DOCK4: variants seen among roughly 807,000 people sequenced by gnomAD.
The protein encoded by DOCK4 is dedicator of cytokinesis protein 4.
A neutral mutation model predicts 268.1 loss-of-function variants in DOCK4; 97 were observed. The observed-to-expected ratio is 0.36, with a 90% CI of 0.31 to 0.43. The LOEUF (loss-of-function observed/expected upper bound fraction) is 0.43. Ranked by LOEUF, DOCK4 falls within the 20% of genes least tolerant of loss-of-function variation. DOCK4 has a pLI of 1.00. For synonymous variants in DOCK4, 954 were observed against 887.2 expected (o/e 1.08, Z -1.34); for missense variants, 2,145 against 2,455.7 (o/e 0.87, Z 2.67).
chr7:111,885,979 T>A (rs1807808902), intron 16 of DOCK4, among the ~76,000 whole-genome samples: 1 of 152,250 alleles, frequency 6.6e-6, no homozygotes, highest in African/African-American at 2.4e-5. Flanking sequence ...TGTTCTAGGC[T>A]ACTTTTTGAC....
rs778199403 is a variant in DOCK4 at position 111,944,839 on chromosome 7, A to C, written c.816T>G (p.Ile272Met). 12 of 1,613,822 alleles carry C rather than the reference A, an allele frequency of 7.4e-6. No homozygotes were observed. Among genetic ancestry groups the C allele is most frequent in the Non-Finnish European group, 9.3e-6 (11 of 1,179,864 alleles). Residue 272 changes from isoleucine (I) to methionine (M), a missense_variant, in exon 10 of 53, where the codon ATT becomes ATG. Around this residue, in one of 2 missense-constraint regions of DOCK4, gnomAD observed 1,598 missense variants for 1,986.7 expected, o/e 0.80. Coordinates refer to ENST00000428084, the MANE Select transcript of DOCK4 (RefSeq NM_001363540.2). ...TTCGGATAATGTGCACGGTGATATAAATGTCCTTTCTTAGCTCACTGCTGC... is the reference window on the plus strand; with the variant it reads ...TTCGGATAATGTGCACGGTGATATACATGTCCTTTCTTAGCTCACTGCTGC... ...DLGSSELRKD[I>M]YITVHIIRIG...
chr7:111,846,607 A>G (rs898821545), intron 24 of DOCK4, among the ~76,000 whole-genome samples: 2 of 151,082 alleles, frequency 1.3e-5, no homozygotes, highest in African/African-American at 5.0e-5. Flanking sequence ...CCCAAGGACC[A>G]CAGCCAAGTT....
At chr7:111,837,947 G>A (rs1453543336) in intron 25 of DOCK4, among the ~76,000 whole-genome samples, 1 of 151,850 alleles carries the variant, frequency 6.6e-6, no homozygotes, top group Non-Finnish European at 1.5e-5. Context: ...TTAGCCGGGT[G>A]TAGTGGCACA....
intron 2 of DOCK4, among the ~76,000 whole-genome samples, chr7:112,001,228 C>A (rs760767610): frequency 1.3e-5 from 2 of 152,166 alleles, no homozygotes; most frequent in African/African-American, 4.8e-5. Context: ...TCACTTTCCA[C>A]GGTTTCAGTT....
chr7:111,804,985 A>G (rs780430281), intron 30 of DOCK4, among the ~76,000 whole-genome samples: 25 of 152,346 alleles, frequency 1.6e-4, no homozygotes, highest in Non-Finnish European at 2.5e-4. Flanking sequence ...TGATGTGTTC[A>G]GTGCTCTGTA....
chr7:111,945,888 G>A, intron 8 of DOCK4, 90 bp from the exon 9 acceptor site: 1 of 946,700 alleles, frequency 1.1e-6, no homozygotes, highest in Non-Finnish European at 1.6e-6. Context: ...CAACAGGTAA[G>A]CTAAATATTA....
intron 1 of DOCK4, among the ~76,000 whole-genome samples, chr7:112,165,111 G>GTT (rs959146877): frequency 6.6e-6 from 1 of 152,122 alleles, no homozygotes; most frequent in African/African-American, 2.4e-5. Context: ...ATGTGTACAA[G>GTT]TTTATGGGGT....
Position 111,767,130 on chromosome 7 carries a change from T to C in DOCK4, c.3829-12A>G. 3.1e-6 allele frequency: 5 copies of C among 1,609,584 alleles called. No individual in the cohort carries two copies. The highest frequency in any genetic ancestry group is 4.2e-6 in the Non-Finnish European group (5 of 1,176,718). On this transcript the variant is annotated splice_polypyrimidine_tract_variant and intron_variant, in intron 37 of 52. Transcript: ENST00000428084. ...CCATTCTCCCAACACTGTGGACAAA[T>C]GAATGAGATCAATGGAACCATCTGA...
chr7:111,828,888 GTATA>G (rs144430528), intron 26 of DOCK4, among the ~76,000 whole-genome samples: 5,676 of 143,170 alleles, frequency 0.04, 288 homozygotes, highest in African/African-American at 0.12. Flanking sequence ...GTGTGTGTGT[GTATA>G]TATATATATA....
intron 14 of DOCK4, 75 bp from the exon 15 acceptor site, chr7:111,900,611 T>G: frequency 6.9e-7 from 1 of 1,455,754 alleles, no homozygotes. Context: ...GCAATCACTT[T>G]GCTCTATCTG....
chr7:112,007,407 T>C (rs1800948007), intron 1 of DOCK4, among the ~76,000 whole-genome samples: 1 of 152,182 alleles, frequency 6.6e-6, no homozygotes, highest in African/African-American at 2.4e-5. Flanking sequence ...GGGACTCTTC[T>C]CGTAACTAAA....
intron 1 of DOCK4, among the ~76,000 whole-genome samples, chr7:112,008,484 C>A (rs1377541706): frequency 6.6e-6 from 1 of 151,978 alleles, no homozygotes; most frequent in African/African-American, 2.4e-5. Context: ...AATTAAATAG[C>A]CGTGAGAAAC....
At chr7:111,748,134 T>C (rs1305646066) in intron 42 of DOCK4, among the ~76,000 whole-genome samples, 2 of 152,222 alleles carry the variant, frequency 1.3e-5, no homozygotes, top group Admixed American at 6.5e-5. Flanking sequence ...GGGACTGCTA[T>C]TGCCTTGAAG....
At chr7:112,121,985 T>A (rs577005183) in intron 1 of DOCK4, among the ~76,000 whole-genome samples, 1 of 152,308 alleles carries the variant, frequency 6.6e-6, no homozygotes, top group East Asian at 1.9e-4. Flanking sequence ...TTACATTTAC[T>A]CCTGACTATA....
intron 2 of DOCK4, among the ~76,000 whole-genome samples, 198 bp from the exon 3 acceptor site, chr7:112,000,732 T>G (rs1800354066): frequency 6.6e-6 from 1 of 152,204 alleles, no homozygotes; most frequent in Non-Finnish European, 1.5e-5. Context: ...AAAACCATTT[T>G]TAAAAAACTG....
At chr7:112,199,394 G>C (rs1820729700) in intron 1 of DOCK4, among the ~76,000 whole-genome samples, 1 of 152,036 alleles carries the variant, frequency 6.6e-6, no homozygotes. Context: ...CATTCCTCAG[G>C]GTACTGCATA....
rs559258968 is a variant in DOCK4 at position 111,836,843 on chromosome 7, G to GA, written c.2737-2158dup. 4.7e-3 allele frequency among the ~76,000 whole-genome samples: 710 copies of GA among 151,820 alleles called. 2 individuals carry two copies. The highest frequency in any genetic ancestry group is 6.7e-3 in the Non-Finnish European group (454 of 67,888). ...AATTCTCCAAAATAAAGCATAGACA[G>GA]AAAAAACTGAAATAAAAAGAAAAAC... On this transcript the variant is annotated intron_variant, in intron 25 of 52. Coordinates refer to ENST00000428084, the MANE Select transcript of DOCK4 (RefSeq NM_001363540.2).
chr7:111,779,542 T>C (rs1460712419), intron 35 of DOCK4, among the ~76,000 whole-genome samples: 1 of 152,080 alleles, frequency 6.6e-6, no homozygotes, highest in Non-Finnish European at 1.5e-5. Flanking sequence ...GGATTACAGG[T>C]GTGCATCACC....
At chr7:111,894,853 G>C (rs1393439091) in intron 16 of DOCK4, among the ~76,000 whole-genome samples, 1 of 152,164 alleles carries the variant, frequency 6.6e-6, no homozygotes, top group Non-Finnish European at 1.5e-5. Context: ...GGCTGGATCT[G>C]CTCCTTAGAT....
Sources: allele counts gnomAD v4.1 joint callset (sites outside exome capture counted in the v4.1 genomes callset), GRCh38; gene constraint gnomAD v4.1.1; regional missense constraint gnomAD v4.1.1; transcripts MANE v1.5; gene names NCBI Gene and HGNC (gene_info 2026-07-23, HGNC 2026-07-21).